ZC3H11A: variants seen among roughly 807,000 people sequenced by gnomAD.
The protein encoded by ZC3H11A is zinc finger CCCH domain-containing protein 11A.
A neutral mutation model predicts 90.8 loss-of-function variants in ZC3H11A; 22 were observed. That is an observed-to-expected ratio of 0.24 (90% confidence interval 0.17 to 0.35). The LOEUF (loss-of-function observed/expected upper bound fraction) is 0.35. Among genes scored for constraint, ZC3H11A ranks in the 10% least tolerant of loss-of-function variants. The pLI is 1.00. For missense variants in ZC3H11A, 701 were observed against 964.9 expected (o/e 0.73, Z 3.62); for synonymous variants, 294 against 339.8 (o/e 0.87, Z 1.48).
rs1323162054 is a variant in ZC3H11A, at chr1:203,847,252, C to G, written c.1111C>G (p.Gln371Glu). The G allele has an allele frequency of 6.2e-7, 1 of 1,613,634 alleles. No individual in the cohort carries two copies. Among genetic ancestry groups the G allele is most frequent in the Non-Finnish European group, 8.5e-7 (1 of 1,179,832 alleles). The part of the protein sequence containing the change: ...LEEILLERAS[Q>E]KRGELQTKLK... ...AGAAATTCTTCTTGAAAGAGCCAGT[C>G]AGAAACGTGGAGAATTGCAAACTAA... is the stretch of plus-strand genomic sequence containing the variant. Residue 371 changes from glutamine to glutamate, a missense_variant, in exon 13 of 18, where the codon CAG becomes GAG. Transcript: ENST00000367210.
intron 4 of ZC3H11A, among the ~76,000 whole-genome samples, chr1:203,823,400 C>T (rs991372882): frequency 1.3e-5 from 2 of 152,240 alleles, no homozygotes; most frequent in African/African-American, 4.8e-5. Flanking sequence ...ATTAGAGACT[C>T]AGCATCCAGG....
At chr1:203,824,640 T>C (rs1191220836) in intron 4 of ZC3H11A, among the ~76,000 whole-genome samples, 1 of 115,254 alleles carries the variant, frequency 8.7e-6, no homozygotes, top group Non-Finnish European at 2.0e-5. Context: ...CTTCTGATAC[T>C]GTAAACAAGT....
At chr1:203,841,042 A>G (rs986776240) in intron 12 of ZC3H11A, among the ~76,000 whole-genome samples, 4 of 149,028 alleles carry the variant, frequency 2.7e-5, no homozygotes, top group Non-Finnish European at 6.0e-5. Context: ...CAAATGCTGA[A>G]CAACGATATG....
intron 4 of ZC3H11A, among the ~76,000 whole-genome samples, chr1:203,824,129 G>C (rs1292108912): frequency 6.6e-6 from 1 of 152,020 alleles, no homozygotes; most frequent in African/African-American, 2.4e-5. Flanking sequence ...TTAGTCGGGC[G>C]TGGTGACGCA....
intron 15 of ZC3H11A, 69 bp from the exon 16 acceptor site, chr1:203,850,446 A>G (rs765627369): frequency 1.8e-5 from 28 of 1,577,036 alleles, no homozygotes; most frequent in Non-Finnish European, 2.1e-5. Context: ...TTGATATTTT[A>G]TTCTGAATTA....
chr1:203,810,812 C>G (rs1304229742), intron 2 of ZC3H11A, among the ~76,000 whole-genome samples: 1 of 152,020 alleles, frequency 6.6e-6, no homozygotes, highest in African/African-American at 2.4e-5. Context: ...CTCTGCCCAA[C>G]TTTGAGGGCT....
chr1:203,797,251 T>C (rs1023940621), intron 1 of ZC3H11A: 21 of 237,046 alleles, frequency 8.9e-5, no homozygotes, highest in Admixed American at 5.2e-5. Flanking sequence ...TTCTTACTTC[T>C]GTAACATGAG....
At chr1:203,833,209 A>T (rs1159805091) in intron 9 of ZC3H11A, among the ~76,000 whole-genome samples, 1 of 152,092 alleles carries the variant, frequency 6.6e-6, no homozygotes, top group Non-Finnish European at 1.5e-5. Flanking sequence ...CTCTACTAAA[A>T]ATACAAAATT....
intron 4 of ZC3H11A, among the ~76,000 whole-genome samples, chr1:203,821,364 G>T (rs904902912): frequency 6.6e-6 from 1 of 151,952 alleles, no homozygotes; most frequent in African/African-American, 2.4e-5. Context: ...ATAGCAATGT[G>T]AAAATGGACT....
intron 12 of ZC3H11A, among the ~76,000 whole-genome samples, chr1:203,846,115 C>CAAAAA (rs34793133): frequency 5.6e-5 from 3 of 53,150 alleles, no homozygotes; most frequent in African/African-American, 1.5e-4. Context: ...TCGTCTTTAC[C>CAAAAA]AAAAAAAAAA....
chr1:203,796,146 G>T, intron 1 of ZC3H11A: 1 of 249,006 alleles, frequency 4.0e-6, no homozygotes, highest in East Asian at 7.1e-5. Flanking sequence ...CCCGAAAACC[G>T]ACTGTTCCCC....
chr1:203,836,669 G>A (rs1055424588), intron 10 of ZC3H11A, among the ~76,000 whole-genome samples: 1 of 152,180 alleles, frequency 6.6e-6, no homozygotes, highest in Non-Finnish European at 1.5e-5. Context: ...CCAGCTACTC[G>A]GGAGGCTGAG....
At chr1:203,810,121 A>G (rs986923314) in intron 2 of ZC3H11A, among the ~76,000 whole-genome samples, 5 of 151,146 alleles carry the variant, frequency 3.3e-5, no homozygotes, top group African/African-American at 1.2e-4. Context: ...TAAAAGCTGG[A>G]GTGGTGTTTT....
At chr1:203,850,704 G>A in intron 16 of ZC3H11A, 23 bp downstream of exon 16, 1 of 1,607,782 alleles carries the variant, frequency 6.2e-7, no homozygotes, top group Non-Finnish European at 8.5e-7. Flanking sequence ...TTCACTTTGT[G>A]GTGCTTTATT....
At chr1:203,809,518 A>G (rs1475185090) in intron 2 of ZC3H11A, among the ~76,000 whole-genome samples, 2 of 152,076 alleles carry the variant, frequency 1.3e-5, no homozygotes, top group Non-Finnish European at 2.9e-5. Flanking sequence ...TAGCAATGCT[A>G]TATCCTTTAA....
rs1295116983 is a variant in ZC3H11A at position 203,802,292 on chromosome 1, G to GT, written c.-869dup. The GT allele has an allele frequency of 6.6e-6, 1 of 152,518 alleles. No individual in the cohort carries two copies. The highest frequency in any genetic ancestry group is 2.4e-5 in the African/African-American group (1 of 41,418). 9.4% of individuals were successfully genotyped at this position (152,518 alleles called of 1,614,324 possible). A position where few individuals can be genotyped will look rare whatever the true frequency, so the allele number is the denominator to read the frequency against. On this transcript the variant is annotated 5_prime_UTR_variant, in exon 2 of 18. It removes the in-frame stop codon of an upstream open reading frame in the 5' UTR. Coordinates refer to ENST00000367210, the MANE Select transcript of ZC3H11A (RefSeq NM_001376342.1). ...TATTTTGTGGGCTGGGCAAAATTTAGTGTAACAATAACTTCATGATACTTT... is the reference window on the plus strand; with the variant it reads ...TATTTTGTGGGCTGGGCAAAATTTAGTTGTAACAATAACTTCATGATACTTT...
At chr1:203,816,624 C>G (rs12118175) in intron 2 of ZC3H11A, among the ~76,000 whole-genome samples, 74,175 of 151,918 alleles carry the variant, frequency 0.49, 18,689 homozygotes, top group Non-Finnish European at 0.53. Flanking sequence ...GAGTGAGACA[C>G]TGTCTCTAAA....
chr1:203,796,632 A>G, intron 1 of ZC3H11A: 1 of 394,678 alleles, frequency 2.5e-6, no homozygotes, highest in Non-Finnish European at 4.5e-6. Context: ...GGGGAAGGGG[A>G]GGGATCAATC....
intron 2 of ZC3H11A, among the ~76,000 whole-genome samples, chr1:203,804,388 G>A (rs879315846): frequency 1.3e-5 from 2 of 151,728 alleles, no homozygotes; most frequent in African/African-American, 2.4e-5. Flanking sequence ...TCCTGACCTC[G>A]TGATCCGCCC....
Sources: gnomAD v4.1 joint callset for allele counts (sites outside exome capture counted in the v4.1 genomes callset) on GRCh38, gnomAD v4.1.1 for gene constraint, MANE v1.5 for transcripts, NCBI Gene and HGNC (gene_info 2026-07-23, HGNC 2026-07-21) for gene names.